The following CDHR1 variants were observed in gnomAD, a reference collection of about 807,000 sequenced individuals.
CDHR1 encodes cadherin-related family member 1.
A neutral mutation model predicts 72.1 loss-of-function variants in CDHR1; 61 were observed. The observed-to-expected ratio is 0.85, with a 90% CI of 0.69 to 1.05. The LOEUF (loss-of-function observed/expected upper bound fraction) is 1.05, where lower values mean the gene tolerates loss of function less well. Ranked by LOEUF, CDHR1 falls within the 50% of genes least tolerant of loss-of-function variation. The probability of loss-of-function intolerance (pLI) is 0.00; values close to 1 mark genes in which losing one functional copy is unlikely to be tolerated. For synonymous variants in CDHR1, 470 were observed against 448.1 expected (o/e 1.05, Z -0.62); for missense variants, 1,186 against 1,115.7 (o/e 1.06, Z -0.90).
chr10:84,197,910 C>T, intron 4 of CDHR1, 74 bp downstream of exon 4: 2 of 1,394,022 alleles, frequency 1.4e-6, no homozygotes. Context: ...TGGCACGATT[C>T]CTCCCCAAGC....
chr10:84,211,838 T>A, intron 14 of CDHR1, 123 bp downstream of exon 14: 1 of 884,826 alleles, frequency 1.1e-6, no homozygotes, highest in Non-Finnish European at 1.9e-6. Context: ...TGAAGAGAAG[T>A]GGAGAGAGGC....
rs994810689 is a variant in CDHR1, at chr10:84,212,073, A to G, written c.1554-106A>G. ...TAGGACACTTTGGAGGAGCTGCATG[A>G]CACCTCACTCCTGCTTCAGGAGGCA... On this transcript the variant is annotated intron_variant, in intron 14 of 16. Coordinates refer to ENST00000623527, the MANE Select transcript of CDHR1 (RefSeq NM_033100.4). 7 of 990,316 alleles carry G rather than the reference A, an allele frequency of 7.1e-6. No individual in the cohort carries two copies. The African/African-American group carries it at 1.1e-4, about 16-fold the overall frequency. The allele number at this position is 990,316 out of a possible 1,614,324, so 61.3% of individuals were successfully genotyped here. A position where few individuals can be genotyped will look rare whatever the true frequency, so the allele number is the denominator to read the frequency against.
rs2132837323 is a variant in CDHR1, at chr10:84,214,287, G to T, written c.2246G>T (p.Arg749Leu). ...CGCAAGCGGCCCAGCCCTGCGCCCCGCACCATCCGCATTGAGTGGCTCAAG... is the reference window on the plus strand; with the variant it reads ...CGCAAGCGGCCCAGCCCTGCGCCCCTCACCATCCGCATTGAGTGGCTCAAG... Reference protein sequence around the residue: ...VLRKRPSPAPRTIRIEWLKSK... With the variant: ...VLRKRPSPAPLTIRIEWLKSK... The change falls in exon 17 of 17, where the codon CGC (arginine) becomes CTC (leucine). Residue 749 changes from arginine to leucine, a missense_variant. By Grantham distance (102) the Arg-to-Leu change is moderately radical. Coordinates refer to ENST00000623527, the MANE Select transcript of CDHR1 (RefSeq NM_033100.4). The T allele has an allele frequency of 6.2e-7, 1 of 1,613,540 alleles. No individual in the cohort carries two copies. The highest frequency in any genetic ancestry group is 2.2e-5 in the East Asian group (1 of 44,856).
chr10:84,196,765 GGGCACACCCCA>G, intron 3 of CDHR1, 115 bp downstream of exon 3: 1 of 1,225,216 alleles, frequency 8.2e-7, no homozygotes, highest in Non-Finnish European at 1.2e-6. Context: ...GGGGATGAGG[GGGCACACCCCA>G]GGCACATCCA....
intron 4 of CDHR1, 57 bp from the exon 5 acceptor site, chr10:84,198,975 A>G (rs888846552): frequency 1.5e-6 from 2 of 1,324,986 alleles, no homozygotes; most frequent in Non-Finnish European, 1.1e-6. Context: ...GTCGCTATCC[A>G]TTCATCCTTC....
intron 8 of CDHR1, 123 bp downstream of exon 8, chr10:84,203,246 G>T (rs984540784): frequency 4.4e-5 from 56 of 1,282,128 alleles, no homozygotes; most frequent in Admixed American, 1.0e-4. Flanking sequence ...TCACACAGAG[G>T]CCAGCTCTGG....
At chr10:84,208,685 T>C (rs749208886) in intron 11 of CDHR1, 44 bp from the exon 12 acceptor site, 1 of 1,574,876 alleles carries the variant, frequency 6.3e-7, no homozygotes, top group South Asian at 1.1e-5. Context: ...TATGAATTTC[T>C]ATCATCATTC....
rs2132829051 is a variant in CDHR1, at chr10:84,211,675, G to A, written c.1513G>A (p.Gly505Ser). The change falls in exon 14 of 17, where the codon GGC (glycine) becomes AGC (serine). Residue 505 changes from glycine to serine, a missense_variant. Transcript: ENST00000623527. ...TGTGGATCCAGATACAGGACCCTGG[G>A]GCGAAGTGAAATATTCCACCTATGG... ...TAVDPDTGPW[G>S]EVKYSTYGTG... 1.2e-6 allele frequency: 2 copies of A among 1,614,160 alleles called. No individual in the cohort carries two copies. The highest frequency in any genetic ancestry group is 1.7e-6 in the Non-Finnish European group (2 of 1,180,012).
intron 5 of CDHR1, 91 bp from the exon 6 acceptor site, chr10:84,200,510 C>T: frequency 2.4e-6 from 2 of 839,686 alleles, no homozygotes; most frequent in East Asian, 2.6e-5. Flanking sequence ...ACTTCACTCC[C>T]CGACCCCACT....
intron 13 of CDHR1, 135 bp downstream of exon 13, chr10:84,211,300 CTT>C: frequency 1.1e-6 from 1 of 871,918 alleles, no homozygotes; most frequent in Non-Finnish European, 1.8e-6. Flanking sequence ...CTTGCCCTCT[CTT>C]AGCCTCAGTT....
chr10:84,199,176 C>CCAGGCCATAG, intron 5 of CDHR1, 55 bp downstream of exon 5: 1 of 1,435,722 alleles, frequency 7.0e-7, no homozygotes, highest in Middle Eastern at 2.3e-4. Flanking sequence ...CATAGCCTAC[C>CCAGGCCATAG]CCTGGGGCTG....
At position 84,215,969 on chromosome 10, in the gene CDHR1, G is replaced by T. The variant is rs1031651795; in HGVS notation, c.*1348G>T. 1.6e-5 allele frequency: 16 copies of T among 985,252 alleles called. No individual in the cohort carries two copies. The African/African-American group carries it at 2.8e-4, about 17-fold the overall frequency. 61.0% of individuals were successfully genotyped at this position (985,252 alleles called of 1,614,324 possible). A position where few individuals can be genotyped will look rare whatever the true frequency, so the allele number is the denominator to read the frequency against. ...TTCTCAAGGAGGGAATGCTTTGCTT[G>T]AGGCCACACAGCAGGTTGGTAGCAA... On this transcript the variant is annotated 3_prime_UTR_variant, in exon 17 of 17. Transcript: ENST00000623527.
chr10:84,204,104 C>G (rs937727479), intron 8 of CDHR1, among the ~76,000 whole-genome samples: 2 of 152,182 alleles, frequency 1.3e-5, no homozygotes, highest in Non-Finnish European at 1.5e-5. Flanking sequence ...TCTGGGACCT[C>G]GCATTTGAGG....
Position 84,215,858 on chromosome 10 carries a change from C to T in CDHR1, c.*1237C>T. On this transcript the variant is annotated 3_prime_UTR_variant, in exon 17 of 17. Coordinates refer to ENST00000623527, the MANE Select transcript of CDHR1 (RefSeq NM_033100.4). The stretch of plus-strand genomic sequence containing the variant: ...CACCTCTACTTCTGTTCTTCCCTCA[C>T]TCCATCCCCGCTACCGTCCTGGCCA... The T allele has an allele frequency of 1.0e-6, 1 of 985,560 alleles. No homozygotes were observed. The highest frequency in any genetic ancestry group is 1.2e-6 in the Non-Finnish European group (1 of 830,030). 61.1% of individuals were successfully genotyped at this position (985,560 alleles called of 1,614,324 possible). A position where few individuals can be genotyped will look rare whatever the true frequency, so the allele number is the denominator to read the frequency against.
At chr10:84,208,935 A>C in intron 12 of CDHR1, 54 bp downstream of exon 12, 2 of 1,575,866 alleles carry the variant, frequency 1.3e-6, no homozygotes, top group Non-Finnish European at 1.7e-6. Context: ...AGGAATTCAT[A>C]CCAGCATCTT....
At chr10:84,195,893 A>G (rs1842022010) in intron 2 of CDHR1, among the ~76,000 whole-genome samples, 1 of 152,210 alleles carries the variant, frequency 6.6e-6, no homozygotes, top group Non-Finnish European at 1.5e-5. Context: ...CCTGAGCCCC[A>G]GGTCTCTAGG....
At position 84,217,313 on chromosome 10, in the gene CDHR1, G is replaced by T; in HGVS notation, c.*2692G>T. ...ACACTGGGCAGGCTTGCCCATTCCT[G>T]GCCCTGAGAATGGAGCTGTAGCCTC... On this transcript the variant is annotated 3_prime_UTR_variant, in exon 17 of 17. Coordinates refer to ENST00000623527, the MANE Select transcript of CDHR1 (RefSeq NM_033100.4). 1 of 985,472 alleles carries T rather than the reference G, an allele frequency of 1.0e-6. No individual in the cohort carries two copies. The highest frequency in any genetic ancestry group is 4.7e-5 in the South Asian group (1 of 21,284). 61.0% of individuals were successfully genotyped at this position (985,472 alleles called of 1,614,324 possible).
At position 84,218,608 on chromosome 10, in the gene CDHR1, C is replaced by T; in HGVS notation, c.*3987C>T. ...TTTTAAAAGCAAGTAGCCCTGCTTACAAATGTCTCCTCAATCAAAGGCATT... is the reference window on the plus strand; with the variant it reads ...TTTTAAAAGCAAGTAGCCCTGCTTATAAATGTCTCCTCAATCAAAGGCATT... On this transcript the variant is annotated 3_prime_UTR_variant, in exon 17 of 17. Coordinates refer to ENST00000623527, the MANE Select transcript of CDHR1 (RefSeq NM_033100.4). 1 of 985,558 alleles carries T rather than the reference C, an allele frequency of 1.0e-6. No homozygotes were observed. Among genetic ancestry groups the T allele is most frequent in the Non-Finnish European group, 1.2e-6 (1 of 830,032 alleles). The allele number at this position is 985,558 out of a possible 1,614,324, so 61.1% of individuals were successfully genotyped here.
chr10:84,195,718 T>G, intron 2 of CDHR1, 129 bp downstream of exon 2: 1 of 769,930 alleles, frequency 1.3e-6, no homozygotes, highest in Non-Finnish European at 2.2e-6. Flanking sequence ...GCTCTCCGAA[T>G]TCCCCTGGGC....
Sources: allele counts gnomAD v4.1 joint callset (sites outside exome capture counted in the v4.1 genomes callset), GRCh38; gene constraint gnomAD v4.1.1; transcripts MANE v1.5; gene names NCBI Gene and HGNC (gene_info 2026-07-23, HGNC 2026-07-21).